ITGA11: variants seen among roughly 807,000 people sequenced by gnomAD.
The protein encoded by ITGA11 is integrin alpha-11.
ITGA11 carries 97 observed loss-of-function variants against 141.9 expected under a neutral mutation model. The ratio of observed to expected loss-of-function variants is 0.68; its 90% CI spans 0.58 to 0.81. The LOEUF (loss-of-function observed/expected upper bound fraction) is 0.81. ITGA11 is among the 30% of genes least tolerant of loss of function. ITGA11 has a pLI of 0.00. For missense variants in ITGA11, 1,387 were observed against 1,559.2 expected, an observed-to-expected ratio of 0.89 and a Z score of 1.86; for synonymous variants, 658 against 624.6, an observed-to-expected ratio of 1.05 and a Z score of -0.80.
intron 2 of ITGA11, among the ~76,000 whole-genome samples, chr15:68,397,734 ATATTATATTTAAAATAT>A (rs1173714325): frequency 1.1e-4 from 6 of 53,424 alleles, no homozygotes; most frequent in Admixed American, 4.0e-4. Flanking sequence ...TATATTTAAA[ATATTATATTTAAAATAT>A]TATATTTAAA....
rs571623078 is a variant in ITGA11 at position 68,303,202 on chromosome 15, C to G, written c.3496-72G>C. The G allele has an allele frequency of 2.3e-6, 3 of 1,319,594 alleles. No individual in the cohort carries two copies. Among genetic ancestry groups the G allele is most frequent in the African/African-American group, 1.5e-5 (1 of 67,636 alleles). The allele number at this position is 1,319,594 out of a possible 1,614,324, so 81.7% of individuals were successfully genotyped here. On this transcript the variant is annotated intron_variant, in intron 29 of 29. Coordinates refer to ENST00000315757, the MANE Select transcript of ITGA11 (RefSeq NM_001004439.2). This position sits in a 1 kb window ranked among gnomAD's most constrained non-coding sequence, Gnocchi z 5.3. ...AAGGCCTGCCCCAGCTTTCCCTCCA[C>G]TACCTTTCCTTGGGATTCCTCCCTC...
intron 26 of ITGA11, among the ~76,000 whole-genome samples, chr15:68,309,402 G>A (rs888295354): frequency 1.3e-5 from 2 of 152,070 alleles, no homozygotes; most frequent in Admixed American, 6.6e-5. Context: ...GCTCCTGCTC[G>A]CTCCTCTCAA....
intron 11 of ITGA11, among the ~76,000 whole-genome samples, chr15:68,339,251 G>A (rs1435057218): frequency 6.6e-6 from 1 of 152,160 alleles, no homozygotes; most frequent in African/African-American, 2.4e-5. Flanking sequence ...TGAAGGGAGT[G>A]GGGAACTGCT....
chr15:68,335,563 T>G lies in ITGA11; in HGVS notation c.1425+134A>C. The G allele has an allele frequency of 1.0e-6, 1 of 999,234 alleles. No individual in the cohort carries two copies. Among genetic ancestry groups the G allele is most frequent in the Non-Finnish European group, 1.5e-6 (1 of 670,052 alleles). The allele number at this position is 999,234 out of a possible 1,614,324, so 61.9% of individuals were successfully genotyped here. On this transcript the variant is annotated intron_variant, in intron 12 of 29. Coordinates refer to ENST00000315757, the MANE Select transcript of ITGA11 (RefSeq NM_001004439.2). This position sits in a 1 kb window ranked among gnomAD's most constrained non-coding sequence, Gnocchi z 4.9. ...CGCACTCCTGCCACTCCTGGCAGCA[T>G]GAAGGTGGCTGGAGGAACATGACTG...
intron 28 of ITGA11, among the ~76,000 whole-genome samples, chr15:68,306,187 CT>C: frequency 7.7e-6 from 1 of 130,060 alleles, no homozygotes. Context: ...AAGACTCCGT[CT>C]CAAAAAAAAA....
intron 1 of ITGA11, among the ~76,000 whole-genome samples, chr15:68,405,159 C>CTTTAT (rs1555401075): frequency 8.4e-6 from 1 of 118,942 alleles, no homozygotes; most frequent in Non-Finnish European, 1.7e-5. Context: ...CACTGTCTCC[C>CTTTAT]TTTTTTTTTT....
chr15:68,317,314 T>G lies in ITGA11; in HGVS notation c.2666A>C (p.Gln889Pro). ...IECVNEERRLQKQVCNVSYPF... is the reference protein window; with the variant it reads ...IECVNEERRLPKQVCNVSYPF... ...ATAGCTGACGTTGCAGACTTGCTTC[T>G]GGAGCCTCCTCTCCTCGTTCACACA... is the stretch of plus-strand genomic sequence containing the variant. The change falls in exon 21 of 30, where the codon CAG becomes CCG. Residue 889 changes from glutamine (Q) to proline (P), a missense_variant. Physicochemically the swap from Gln to Pro is moderately conservative, Grantham distance 76 (BLOSUM62 -1). Coordinates refer to ENST00000315757, the MANE Select transcript of ITGA11 (RefSeq NM_001004439.2). 8 of 1,613,928 alleles carry G rather than the reference T, an allele frequency of 5.0e-6. No individual in the cohort carries two copies. Among genetic ancestry groups the G allele is most frequent in the Non-Finnish European group, 6.8e-6 (8 of 1,179,842 alleles).
At position 68,308,059 on chromosome 15, in the gene ITGA11, A is replaced by C. The variant is rs1893258955; in HGVS notation, c.3175-363T>G. 3.3e-5 allele frequency among the ~76,000 whole-genome samples: 5 copies of C among 152,230 alleles called. No homozygotes were observed. Among genetic ancestry groups the C allele is most frequent in the Admixed American group, 3.3e-4 (5 of 15,282 alleles). On this transcript the variant is annotated intron_variant, in intron 26 of 29. Transcript: ENST00000315757. This position sits in a 1 kb window ranked among gnomAD's most constrained non-coding sequence, Gnocchi z 5.2. The stretch of plus-strand genomic sequence containing the variant: ...ACAGATGCAGAAAAAGTATTTTAGG[A>C]AGTCCAACTTCTGTTCATGATAAAA...
rs1894187880 is a variant in ITGA11 at position 68,332,085 on chromosome 15, A to T, written c.1567-23T>A. 2.6e-6 allele frequency: 4 copies of T among 1,559,330 alleles called. No homozygotes were observed. In the African/African-American group the frequency reaches 4.1e-5, roughly 16 times the overall value. On this transcript the variant is annotated intron_variant, in intron 13 of 29. Coordinates refer to ENST00000315757, the MANE Select transcript of ITGA11 (RefSeq NM_001004439.2). ...GTTCTGCAAAACCAGGGGCAGAAAAAGGCTGGGGAGGGTTTGGCAAAAGTC... is the reference window on the plus strand; with the variant it reads ...GTTCTGCAAAACCAGGGGCAGAAAATGGCTGGGGAGGGTTTGGCAAAAGTC...
chr15:68,347,562 C>G (rs896671076), intron 10 of ITGA11, among the ~76,000 whole-genome samples: 5 of 152,156 alleles, frequency 3.3e-5, no homozygotes, highest in Admixed American at 2.0e-4. Context: ...AGTGGCATTT[C>G]CGTCCATCTG....
chr15:68,426,240 T>C (rs1401278607), intron 1 of ITGA11, among the ~76,000 whole-genome samples: 1 of 152,230 alleles, frequency 6.6e-6, no homozygotes, highest in Non-Finnish European at 1.5e-5. Context: ...ACACATCACG[T>C]TGTCATCACT....
At chr15:68,384,815 C>T (rs760549087) in intron 2 of ITGA11, among the ~76,000 whole-genome samples, 2 of 152,204 alleles carry the variant, frequency 1.3e-5, no homozygotes, top group Non-Finnish European at 2.9e-5. Flanking sequence ...GGGCCCAGGC[C>T]AGGAAAAGAG....
rs1448483997 is a variant in ITGA11, at chr15:68,304,573, C to T, written c.3382-688G>A. ...GCTCCCTCAGTCCTGTGGCTATCAC[C>T]GTCTACACGCCGACTGCTCTCACAT... is the stretch of plus-strand genomic sequence containing the variant. On this transcript the variant is annotated intron_variant, in intron 28 of 29. Transcript: ENST00000315757. The surrounding 1 kb of genome is among the most constrained non-coding windows in gnomAD (Gnocchi z 6.1). 2.6e-5 allele frequency among the ~76,000 whole-genome samples: 4 copies of T among 152,070 alleles called. No homozygotes were observed. Among genetic ancestry groups the T allele is most frequent in the South Asian group, 2.1e-4 (1 of 4,824 alleles).
intron 7 of ITGA11, among the ~76,000 whole-genome samples, chr15:68,355,784 A>G (rs1299183455): frequency 1.3e-5 from 2 of 152,012 alleles, no homozygotes; most frequent in Non-Finnish European, 2.9e-5. Context: ...TTTTTAAAAA[A>G]CACGTCAACT....
intron 3 of ITGA11, among the ~76,000 whole-genome samples, chr15:68,365,776 C>T (rs1278219713): frequency 6.6e-6 from 1 of 151,822 alleles, no homozygotes; most frequent in East Asian, 1.9e-4. Context: ...CACTGTGTCA[C>T]CCAGGCTAGA....
At chr15:68,403,094 CTG>C in intron 1 of ITGA11, 65 bp from the exon 2 acceptor site, 1 of 1,090,418 alleles carries the variant, frequency 9.2e-7, no homozygotes, top group East Asian at 2.5e-5. Flanking sequence ...AGGCCCTGGG[CTG>C]TGTCAGGACC....
At chr15:68,388,610 G>T (rs1896042496) in intron 2 of ITGA11, among the ~76,000 whole-genome samples, 1 of 152,144 alleles carries the variant, frequency 6.6e-6, no homozygotes, top group African/African-American at 2.4e-5. Flanking sequence ...ACCCATTACA[G>T]GTACTCAAGA....
rs1178195444 is a variant in ITGA11 at position 68,402,978 on chromosome 15, C to T, written c.104G>A (p.Gly35Asp). 2 of 1,613,774 alleles carry T rather than the reference C, an allele frequency of 1.2e-6. No individual in the cohort carries two copies. Among genetic ancestry groups the T allele is most frequent in the Non-Finnish European group, 1.7e-6 (2 of 1,179,798 alleles). The change falls in exon 2 of 30, where the codon GGC (glycine) becomes GAC (aspartate). Residue 35 changes from glycine (G) to aspartate (D), a missense_variant. Physicochemically the swap from Gly to Asp is moderately conservative, Grantham distance 94 (BLOSUM62 -1). Transcript: ENST00000315757. ...MDTRKPRVIP[G>D]SRTAFFGYTV... ...GTAGCCAAAGAAGGCGGTCCTGGAG[C>T]CAGGGATGACCCGGGGCTTCCTGGT...
At chr15:68,380,689 C>T (rs559148593) in intron 2 of ITGA11, among the ~76,000 whole-genome samples, 54 of 152,254 alleles carry the variant, frequency 3.5e-4, no homozygotes, top group East Asian at 3.1e-3. Context: ...GGGAGGGTCC[C>T]GCATGGTGCC....
Sources: allele counts gnomAD v4.1 joint callset (sites outside exome capture counted in the v4.1 genomes callset), GRCh38; gene constraint gnomAD v4.1.1; non-coding constraint Gnocchi (gnomAD v3.1); transcripts MANE v1.5; gene names NCBI Gene and HGNC (gene_info 2026-07-23, HGNC 2026-07-21).